Variants in C1orf159 observed in about 807,000 individuals in gnomAD.
C1orf159 encodes chromosome 1 open reading frame 159, also known as uncharacterized protein C1orf159.
In C1orf159, 19 loss-of-function variants were observed where a neutral mutation model predicts 25.6. The observed-to-expected ratio is 0.74, with a 90% CI of 0.52 to 1.09. The LOEUF (loss-of-function observed/expected upper bound fraction) is 1.09, where lower values mean the gene tolerates loss of function less well. C1orf159 is among the 50% of genes least tolerant of loss of function. C1orf159 has a pLI of 0.00. For synonymous variants in C1orf159, 139 were observed against 124.7 expected, an observed-to-expected ratio of 1.12 and a Z score of -0.77; for missense variants, 274 against 290.6, an observed-to-expected ratio of 0.94 and a Z score of 0.42.
chr1:1,082,988 C>G lies in C1orf159; in HGVS notation c.503-1G>C. The G allele has an allele frequency of 1.3e-6, 2 of 1,592,798 alleles. No homozygotes were observed. The highest frequency in any genetic ancestry group is 1.7e-6 in the Non-Finnish European group (2 of 1,169,722). ...CGCCTGACGTAGCGCGGCTTCCGTACTGAAACGGGTCAGAGACAGGCGAGG... is the reference window on the plus strand; with the variant it reads ...CGCCTGACGTAGCGCGGCTTCCGTAGTGAAACGGGTCAGAGACAGGCGAGG... On this transcript the variant is annotated splice_acceptor_variant, in intron 9 of 9. Transcript: ENST00000421241. LOFTEE classifies it high-confidence loss of function.
At chr1:1,096,018 C>A (rs1349612255) in intron 1 of C1orf159, among the ~76,000 whole-genome samples, 3 of 152,144 alleles carry the variant, frequency 2.0e-5, no homozygotes, top group Non-Finnish European at 4.4e-5. Flanking sequence ...TAGGATAAAC[C>A]ACACTTGGCC....
intron 9 of C1orf159, chr1:1,083,878 C>G (rs1388626085): frequency 6.5e-7 from 1 of 1,527,838 alleles, no homozygotes; most frequent in South Asian, 1.2e-5. Context: ...GTCACTCAGC[C>G]TGTGTCTGTG....
intron 6 of C1orf159, among the ~76,000 whole-genome samples, chr1:1,086,843 G>A (rs115723010): frequency 0.016 from 2,434 of 152,156 alleles, 24 homozygotes; most frequent in Non-Finnish European, 0.022. Flanking sequence ...AGCCATGAGT[G>A]TGAACCTGAG....
At chr1:1,099,828 T>G (rs1646074617) in intron 1 of C1orf159, among the ~76,000 whole-genome samples, 1 of 152,222 alleles carries the variant, frequency 6.6e-6, no homozygotes, top group African/African-American at 2.4e-5. Context: ...GGTTGTCTAT[T>G]GATGTTTTTG....
rs112071472 is a variant in C1orf159, at chr1:1,111,270, G to A, written c.-136+4790C>T. On this transcript the variant is annotated intron_variant, in intron 1 of 9. Coordinates refer to ENST00000421241, the MANE Select transcript of C1orf159 (RefSeq NM_017891.5). ...AGGGCAGGTGTGGAGGCTCAGGCCT[G>A]CAATCCCATCATTTTGGGAGGCCAA... Among the ~76,000 whole-genome samples, 636 of 151,402 alleles carry A rather than the reference G, an allele frequency of 4.2e-3. 5 individuals are homozygous for A. Among genetic ancestry groups the A allele is most frequent in the African/African-American group, 0.015 (600 of 41,210 alleles).
At position 1,084,943 on chromosome 1, in the gene C1orf159, C is replaced by T. The variant is rs549828130; in HGVS notation, c.446-437G>A. On this transcript the variant is annotated intron_variant, in intron 7 of 9. Coordinates refer to ENST00000421241, the MANE Select transcript of C1orf159 (RefSeq NM_017891.5). ...GTGGGCTTCTGCCTCCATGGTGCCC[C>T]CGCGATGGGGGTGCCGTGGCATCGT... Among the ~76,000 whole-genome samples the T allele has an allele frequency of 6.6e-5, 10 of 152,310 alleles. No individual in the cohort carries two copies. The East Asian group carries it at 1.9e-3, about 30-fold the overall frequency.
intron 6 of C1orf159, among the ~76,000 whole-genome samples, chr1:1,086,351 G>T (rs1311406886): frequency 6.6e-6 from 1 of 152,280 alleles, no homozygotes; most frequent in Non-Finnish European, 1.5e-5. Flanking sequence ...AAGCCAGGGG[G>T]TTCTCAGCCT....
In C1orf159 at chr1:1,100,678, G is replaced by A. The variant is rs1156832764; in HGVS notation, c.-135-8575C>T. On this transcript the variant is annotated intron_variant, in intron 1 of 9. Coordinates refer to ENST00000421241, the MANE Select transcript of C1orf159 (RefSeq NM_017891.5). Reference sequence around the variant, plus strand: ...TTTTTGTTCCTCTATTCTCTTTCTGGCCCTCTTTTGCGTGATTTGAAGTTT... The same window carrying A: ...TTTTTGTTCCTCTATTCTCTTTCTGACCCTCTTTTGCGTGATTTGAAGTTT... 2.6e-5 allele frequency among the ~76,000 whole-genome samples: 4 copies of A among 151,934 alleles called. No individual in the cohort carries two copies. In the East Asian group the frequency reaches 7.7e-4, roughly 29 times the overall value.
intron 1 of C1orf159, among the ~76,000 whole-genome samples, chr1:1,115,274 C>A (rs1186384495): frequency 6.6e-6 from 1 of 151,972 alleles, no homozygotes; most frequent in Non-Finnish European, 1.5e-5. Context: ...GCCACCGGAA[C>A]ACGCGCTCCC....
intron 9 of C1orf159, chr1:1,083,883 T>C: frequency 6.5e-7 from 1 of 1,535,758 alleles, no homozygotes; most frequent in Non-Finnish European, 8.8e-7. Context: ...TCAGCCTGTG[T>C]CTGTGGCCCC....
At chr1:1,083,143 C>T (rs935179294) in intron 9 of C1orf159, 156 bp from the exon 10 acceptor site, 1 of 588,496 alleles carries the variant, frequency 1.7e-6, no homozygotes. Context: ...ATGCCCCCTG[C>T]CCCTAAGGCG....
chr1:1,103,751 G>A (rs1646134836), intron 1 of C1orf159, among the ~76,000 whole-genome samples: 1 of 152,152 alleles, frequency 6.6e-6, no homozygotes. Context: ...GTTTTCTGGA[G>A]ACACATTCTC....
intron 3 of C1orf159, chr1:1,090,641 G>A (rs1362851747): frequency 1.5e-6 from 1 of 688,328 alleles, no homozygotes; most frequent in Non-Finnish European, 2.5e-6. Flanking sequence ...TGGGACCCTG[G>A]GTGGGCGGTC....
At position 1,084,316 on chromosome 1, in the gene C1orf159, G is replaced by T; in HGVS notation, c.502+37C>A. 3 of 1,526,890 alleles carry T rather than the reference G, an allele frequency of 2.0e-6. No homozygotes were observed. In the South Asian group the frequency reaches 3.9e-5, roughly 20 times the overall value. 94.6% of individuals were successfully genotyped at this position (1,526,890 alleles called of 1,614,324 possible). ...AGCACCCTGGGACTGGCCCAGAGAT[G>T]GGAAACCCCACAGGGGGATGCGACA... On this transcript the variant is annotated intron_variant, in intron 9 of 9. Coordinates refer to ENST00000421241, the MANE Select transcript of C1orf159 (RefSeq NM_017891.5).
At chr1:1,104,495 G>A (rs1646143913) in intron 1 of C1orf159, among the ~76,000 whole-genome samples, 1 of 152,236 alleles carries the variant, frequency 6.6e-6, no homozygotes, top group South Asian at 2.1e-4. Flanking sequence ...CTATGGCAGG[G>A]TCACTCTGTT....
At chr1:1,111,197 C>T (rs979352349) in intron 1 of C1orf159, among the ~76,000 whole-genome samples, 1 of 152,104 alleles carries the variant, frequency 6.6e-6, no homozygotes, top group African/African-American at 2.4e-5. Flanking sequence ...TTAAATTGTG[C>T]TATACACTCT....
chr1:1,083,571 G>A (rs562574576), intron 9 of C1orf159: 116 of 290,248 alleles, frequency 4.0e-4, no homozygotes, highest in South Asian at 1.1e-3. Context: ...CGTCCTCCCC[G>A]GAGCCTCGGG....
At position 1,110,751 on chromosome 1, in the gene C1orf159, C is replaced by T. The variant is rs775140473; in HGVS notation, c.-136+5309G>A. ...ACTCTTCAGACAGCGGAAACCCACC[C>T]GGGCGCCCTCAGAGACGACGAGCAC... is the stretch of plus-strand genomic sequence containing the variant. On this transcript the variant is annotated intron_variant, in intron 1 of 9. Coordinates refer to ENST00000421241, the MANE Select transcript of C1orf159 (RefSeq NM_017891.5). The surrounding 1 kb of genome is among the most constrained non-coding windows in gnomAD (Gnocchi z 4.8). Among the ~76,000 whole-genome samples the T allele has an allele frequency of 2.6e-5, 4 of 152,238 alleles. No homozygotes were observed. The highest frequency in any genetic ancestry group is 5.9e-5 in the Non-Finnish European group (4 of 68,042).
In C1orf159 at chr1:1,082,481, T is replaced by G. The variant is rs769053795; in HGVS notation, c.*412A>C. The G allele has an allele frequency of 6.3e-4, 153 of 244,712 alleles. 1 individual carries two copies. Among genetic ancestry groups the G allele is most frequent in the Non-Finnish European group, 7.6e-4 (93 of 122,928 alleles). The allele number at this position is 244,712 out of a possible 1,614,324, so 15.2% of individuals were successfully genotyped here. On this transcript the variant is annotated 3_prime_UTR_variant, in exon 10 of 10. Coordinates refer to ENST00000421241, the MANE Select transcript of C1orf159 (RefSeq NM_017891.5). Reference sequence around the variant, plus strand: ...CTCGGGCCACTGGGTGTGGTGGTGCTGGAGGAGTCCTGCCCGCTGTGGGCT... The same window carrying G: ...CTCGGGCCACTGGGTGTGGTGGTGCGGGAGGAGTCCTGCCCGCTGTGGGCT...
Sources: gnomAD v4.1 joint callset for allele counts (sites outside exome capture counted in the v4.1 genomes callset) on GRCh38, gnomAD v4.1.1 for gene constraint, Gnocchi (gnomAD v3.1) non-coding constraint, MANE v1.5 for transcripts, NCBI Gene and HGNC (gene_info 2026-07-23, HGNC 2026-07-21) for gene names.